The following PPARGC1A variants were observed in gnomAD, a reference collection of about 807,000 sequenced individuals.
PPARGC1A encodes PPARG coactivator 1 alpha, also known as peroxisome proliferator-activated receptor gamma coactivator 1-alpha.
Under a neutral mutation model 88.7 loss-of-function variants are expected in PPARGC1A, and 25 were observed. That is an observed-to-expected ratio of 0.28 (90% CI 0.21 to 0.39). The LOEUF is 0.39. PPARGC1A is among the 10% of genes least tolerant of loss of function. PPARGC1A has a pLI of 1.00. For missense variants in PPARGC1A, 880 were observed against 968.7 expected, an observed-to-expected ratio of 0.91 and a Z score of 1.22; for synonymous variants, 363 against 355.6, an observed-to-expected ratio of 1.02 and a Z score of -0.24.
At chr4:24,128,264 T>A in the PPARGC1A span, among the ~76,000 whole-genome samples, 1 of 152,192 alleles carries the variant, frequency 6.6e-6, no homozygotes, top group Non-Finnish European at 1.5e-5. Flanking sequence ...TGACTCAGTT[T>A]TTCCTTCTTT....
At chr4:24,194,098 C>G in the PPARGC1A span, among the ~76,000 whole-genome samples, 1 of 141,254 alleles carries the variant, frequency 7.1e-6, no homozygotes, top group Non-Finnish European at 1.5e-5. Flanking sequence ...CATTGCACTC[C>G]AGCCTGGGCG....
chr4:24,005,212 T>C, the PPARGC1A span, among the ~76,000 whole-genome samples: 1 of 152,254 alleles, frequency 6.6e-6, no homozygotes, highest in South Asian at 2.1e-4. Flanking sequence ...AGAGAATGCA[T>C]ATTTATATTT....
At chr4:24,026,807 T>G in the PPARGC1A span, among the ~76,000 whole-genome samples, 896 of 152,164 alleles carry the variant, frequency 5.9e-3, 9 homozygotes, top group African/African-American at 0.021. Context: ...GCCTGAGAAA[T>G]TTTTCCAGCA....
At chr4:24,125,461 T>G in the PPARGC1A span, among the ~76,000 whole-genome samples, 1 of 152,214 alleles carries the variant, frequency 6.6e-6, no homozygotes, top group East Asian at 1.9e-4. Context: ...GCTGTTAGTC[T>G]CAAAGATAAC....
chr4:23,965,811 T>C, the PPARGC1A span, among the ~76,000 whole-genome samples: 4 of 152,182 alleles, frequency 2.6e-5, no homozygotes, highest in Admixed American at 1.3e-4. Context: ...ACAACTAATT[T>C]TGGAACTGTA....
At chr4:24,175,427 C>T in the PPARGC1A span, among the ~76,000 whole-genome samples, 2 of 137,042 alleles carry the variant, frequency 1.5e-5, no homozygotes, top group Non-Finnish European at 3.0e-5. Context: ...CAGGCTGGAG[C>T]GTAGTGGCGC....
the PPARGC1A span, among the ~76,000 whole-genome samples, chr4:24,206,180 C>A: frequency 6.6e-6 from 1 of 152,138 alleles, no homozygotes; most frequent in Non-Finnish European, 1.5e-5. Context: ...ATAACCCAAG[C>A]CATTTTGCTT....
intron 1 of PPARGC1A, among the ~76,000 whole-genome samples, chr4:23,888,094 T>G (rs576965929): frequency 6.6e-6 from 1 of 152,312 alleles, no homozygotes; most frequent in East Asian, 1.9e-4. Context: ...AAATGAAAAC[T>G]GCCAACGCTA....
At chr4:23,871,150 A>G (rs1713274494) in intron 2 of PPARGC1A, among the ~76,000 whole-genome samples, 1 of 152,134 alleles carries the variant, frequency 6.6e-6, no homozygotes, top group Admixed American at 6.5e-5. Flanking sequence ...ATGTATCGAA[A>G]CACAGAACAT....
At chr4:24,174,639 C>A in the PPARGC1A span, among the ~76,000 whole-genome samples, 2 of 152,176 alleles carry the variant, frequency 1.3e-5, no homozygotes, top group Admixed American at 1.3e-4. Context: ...AGACCCAAAG[C>A]TCAGCGAGGT....
the PPARGC1A span, among the ~76,000 whole-genome samples, chr4:24,299,938 T>A: frequency 6.6e-6 from 1 of 152,236 alleles, no homozygotes; most frequent in Admixed American, 6.5e-5. Flanking sequence ...GAGATCATAG[T>A]CTGCATCAGA....
chr4:24,351,086 C>T, the PPARGC1A span, among the ~76,000 whole-genome samples: 1 of 152,114 alleles, frequency 6.6e-6, no homozygotes, highest in South Asian at 2.1e-4. Flanking sequence ...CAAGAATTAG[C>T]TGGGAGCGGT....
chr4:24,031,486 T>A, the PPARGC1A span, among the ~76,000 whole-genome samples: 1 of 151,912 alleles, frequency 6.6e-6, no homozygotes. Flanking sequence ...ATAAACCTGA[T>A]AAATTAACTG....
chr4:24,059,486 T>C, the PPARGC1A span, among the ~76,000 whole-genome samples: 1 of 152,182 alleles, frequency 6.6e-6, no homozygotes, highest in Non-Finnish European at 1.5e-5. Context: ...AACTTCATAC[T>C]TGGCAATTCA....
chr4:23,978,894 A>G, the PPARGC1A span, among the ~76,000 whole-genome samples: 4 of 152,218 alleles, frequency 2.6e-5, no homozygotes, highest in Admixed American at 6.5e-5. Flanking sequence ...GAGTAAACTG[A>G]TAATAGAATC....
the PPARGC1A span, among the ~76,000 whole-genome samples, chr4:24,164,733 G>A: frequency 6.6e-6 from 1 of 152,156 alleles, no homozygotes; most frequent in Non-Finnish European, 1.5e-5. Context: ...ATCATAGCTT[G>A]CAGCACATGG....
chr4:23,869,904 G>A (rs768184446), intron 2 of PPARGC1A, among the ~76,000 whole-genome samples: 2 of 152,106 alleles, frequency 1.3e-5, no homozygotes, highest in African/African-American at 4.8e-5. Flanking sequence ...CTTGACCAAC[G>A]TCCCTGTAGC....
chr4:23,889,289 C>A, intron 1 of PPARGC1A: 2 of 985,318 alleles, frequency 2.0e-6, no homozygotes, highest in Non-Finnish European at 2.4e-6. Context: ...CACTGCCAGG[C>A]GTTTCTTTTT....
chr4:24,101,483 C>A, the PPARGC1A span, among the ~76,000 whole-genome samples: 1 of 152,220 alleles, frequency 6.6e-6, no homozygotes, highest in African/African-American at 2.4e-5. Context: ...GAAATGTTCT[C>A]CACATGAAGA....
Sources: allele counts gnomAD v4.1 joint callset (sites outside exome capture counted in the v4.1 genomes callset), GRCh38; gene constraint gnomAD v4.1.1; transcripts MANE v1.5; gene names NCBI Gene and HGNC (gene_info 2026-07-23, HGNC 2026-07-21).